Variants in GPC4 observed in about 807,000 individuals in gnomAD.
GPC4 encodes the protein glypican-4.
A neutral mutation model predicts 35.0 loss-of-function variants in GPC4; 10 were observed. The ratio of observed to expected loss-of-function variants is 0.29; its 90% CI spans 0.18 to 0.48. The LOEUF is 0.48. Ranked by LOEUF, GPC4 falls within the 20% of genes least tolerant of loss-of-function variation. GPC4 has a pLI of 0.99. For missense variants in GPC4, 322 were observed against 451.3 expected (o/e 0.71, Z 2.60); for synonymous variants, 167 against 170.2 (o/e 0.98, Z 0.15).
rs57898529 is a variant in GPC4, at chrX:133,324,550, CA to C, written c.320-15del. 168,724 of 687,780 alleles carry C rather than the reference CA, an allele frequency of 0.25. 4,655 individuals are homozygous for C. The highest frequency in any genetic ancestry group is 0.48 in the African/African-American group (16,516 of 34,068). 56.7% of individuals were successfully genotyped at this position (687,780 alleles called of 1,213,427 possible). ...CTTTGAAGAATTCTGAAACCAACAC[CA>C]AAAAAAAAAAAAAAAAAAGGAAAAA... is the stretch of plus-strand genomic sequence containing the variant. On this transcript the variant is annotated splice_polypyrimidine_tract_variant and intron_variant, in intron 2 of 8. Transcript: ENST00000370828.
At chrX:133,375,106 T>C (rs140789403) in intron 1 of GPC4, among the ~76,000 whole-genome samples, 16 of 112,508 alleles carry the variant, frequency 1.4e-4, no homozygotes, top group Non-Finnish European at 2.8e-4. Flanking sequence ...TCATCTATCA[T>C]GCATGACAAA....
intron 1 of GPC4, among the ~76,000 whole-genome samples, chrX:133,365,469 T>A (rs777485877): frequency 9.0e-6 from 1 of 111,718 alleles, no homozygotes; most frequent in East Asian, 2.8e-4. Flanking sequence ...TAAATCCACC[T>A]CTTCTCACTT....
At chrX:133,388,133 C>T (rs1231159084) in intron 1 of GPC4, among the ~76,000 whole-genome samples, 2 of 111,686 alleles carry the variant, frequency 1.8e-5, no homozygotes, top group East Asian at 5.6e-4. Flanking sequence ...AGGTGGCAGG[C>T]TAGAATATAC....
intron 1 of GPC4, among the ~76,000 whole-genome samples, chrX:133,402,758 C>G (rs946407432): frequency 9.1e-6 from 1 of 110,176 alleles, no homozygotes; most frequent in African/African-American, 3.3e-5. Flanking sequence ...CCAAAATTAG[C>G]CGAGCATGGT....
intron 1 of GPC4, among the ~76,000 whole-genome samples, chrX:133,370,495 A>T (rs748107848): frequency 2.7e-5 from 3 of 111,516 alleles, no homozygotes; most frequent in Admixed American, 1.9e-4. Flanking sequence ...TATACTTATA[A>T]AGTTCTTCAG....
intron 1 of GPC4, among the ~76,000 whole-genome samples, chrX:133,378,422 C>T (rs111416952): frequency 0.033 from 3,584 of 107,284 alleles, 159 homozygotes; most frequent in African/African-American, 0.12. Flanking sequence ...ACAAAAAAAA[C>T]TAGCTGGGCG....
chrX:133,408,040 A>AT (rs1339103050), intron 1 of GPC4, among the ~76,000 whole-genome samples: 3 of 111,908 alleles, frequency 2.7e-5, no homozygotes, highest in Non-Finnish European at 5.6e-5. Context: ...CAGCTCTTTG[A>AT]TTTTTCTCTC....
intron 3 of GPC4, among the ~76,000 whole-genome samples, chrX:133,315,086 G>A (rs2068331248): frequency 9.3e-6 from 1 of 108,033 alleles, no homozygotes; most frequent in Non-Finnish European, 1.9e-5. Context: ...TATCAAAAGT[G>A]CTTGGGACAA....
intron 3 of GPC4, among the ~76,000 whole-genome samples, chrX:133,313,200 C>G (rs1227271779): frequency 1.8e-5 from 2 of 111,686 alleles, no homozygotes; most frequent in Admixed American, 9.5e-5. Flanking sequence ...CCCTTAGGAA[C>G]AGGAACAGGG....
chrX:133,316,439 C>A (rs1274391736), intron 3 of GPC4, among the ~76,000 whole-genome samples: 1 of 111,315 alleles, frequency 9.0e-6, no homozygotes, highest in Non-Finnish European at 1.9e-5. Flanking sequence ...ACTATAGGAA[C>A]CTTGATGGCA....
chrX:133,362,291 C>A (rs2068572673), intron 1 of GPC4, among the ~76,000 whole-genome samples: 1 of 109,626 alleles, frequency 9.1e-6, no homozygotes, highest in Admixed American at 9.7e-5. Context: ...ACAGAAGAGG[C>A]AAGGAAAAAC....
At chrX:133,413,142 TGGCGG>T (rs1182387747) in intron 1 of GPC4, among the ~76,000 whole-genome samples, 1 of 112,115 alleles carries the variant, frequency 8.9e-6, no homozygotes, top group Non-Finnish European at 1.9e-5. Context: ...ATTTTTTTTC[TGGCGG>T]GGCAGGAGGA....
At chrX:133,373,383 T>C (rs1327983657) in intron 1 of GPC4, among the ~76,000 whole-genome samples, 2 of 107,867 alleles carry the variant, frequency 1.9e-5, no homozygotes, top group African/African-American at 3.6e-5. Flanking sequence ...AGTTGGGTTA[T>C]TGAAGACACA....
intron 2 of GPC4, among the ~76,000 whole-genome samples, chrX:133,328,160 A>G (rs1371852243): frequency 9.0e-6 from 1 of 111,188 alleles, no homozygotes; most frequent in Admixed American, 9.6e-5. Flanking sequence ...ATCCCTCACT[A>G]CATACAAAAA....
chrX:133,315,555 T>G (rs1301906689), intron 3 of GPC4, among the ~76,000 whole-genome samples: 1 of 111,530 alleles, frequency 9.0e-6, no homozygotes, highest in Non-Finnish European at 1.9e-5. Flanking sequence ...TACTCCCTGG[T>G]AACCCTCAAA....
intron 1 of GPC4, among the ~76,000 whole-genome samples, chrX:133,404,483 G>A (rs750787366): frequency 1.0e-3 from 106 of 102,681 alleles, no homozygotes; most frequent in Non-Finnish European, 1.2e-3. Context: ...GGAGGCGGAG[G>A]TTGCAGTGAG....
chrX:133,333,589 A>G (rs185422106), intron 2 of GPC4, among the ~76,000 whole-genome samples: 2 of 113,062 alleles, frequency 1.8e-5, no homozygotes, highest in East Asian at 5.6e-4. Flanking sequence ...AGAATTAGCA[A>G]AAGTAGCTGG....
At position 133,303,077 on chromosome X, in the gene GPC4, A is replaced by T. The variant is rs1215614344; in HGVS notation, c.1469-8T>A. 6.9e-6 allele frequency: 8 copies of T among 1,161,532 alleles called. No individual in the cohort carries two copies. Among genetic ancestry groups the T allele is most frequent in the African/African-American group, 3.5e-5 (2 of 56,427 alleles). On this transcript the variant is annotated splice_region_variant and splice_polypyrimidine_tract_variant and intron_variant, in intron 8 of 8. Transcript: ENST00000370828. Reference sequence around the variant, plus strand: ...CTCCACTACTTTCATCACCTAGTTTAAAAAAAAATGGAATAGAAATTTCAT... The same window carrying T: ...CTCCACTACTTTCATCACCTAGTTTTAAAAAAAATGGAATAGAAATTTCAT...
At chrX:133,308,285 T>C (rs920115835) in intron 4 of GPC4, among the ~76,000 whole-genome samples, 3 of 111,994 alleles carry the variant, frequency 2.7e-5, no homozygotes, top group African/African-American at 9.7e-5. Context: ...TGCCAGGACC[T>C]GGCTGGTGTC....
Sources: gnomAD v4.1 joint callset for allele counts (sites outside exome capture counted in the v4.1 genomes callset) on GRCh38, gnomAD v4.1.1 for gene constraint, MANE v1.5 for transcripts, NCBI Gene and HGNC (gene_info 2026-07-23, HGNC 2026-07-21) for gene names.